The following WWC2 variants were observed in gnomAD, a reference collection of about 807,000 sequenced individuals.
The protein encoded by WWC2 is WW and C2 domain containing 2.
Under a neutral mutation model 138.5 loss-of-function variants are expected in WWC2, and 101 were observed. The observed-to-expected ratio is 0.73, with a 90% CI of 0.62 to 0.86. The LOEUF (loss-of-function observed/expected upper bound fraction) is 0.86. Among genes scored for constraint, WWC2 ranks in the 40% least tolerant of loss-of-function variants. The pLI is 0.00. For synonymous variants in WWC2, 558 were observed against 538.4 expected (o/e 1.04, Z -0.50); for missense variants, 1,420 against 1,419.4 (o/e 1.00, Z -0.01).
At chr4:183,310,832 T>TAAAAAAAAA (rs34169882) in intron 21 of WWC2, among the ~76,000 whole-genome samples, 1 of 113,444 alleles carries the variant, frequency 8.8e-6, no homozygotes, top group Non-Finnish European at 1.7e-5. Flanking sequence ...TGGCATATTG[T>TAAAAAAAAA]AAAAAAAAAA....
intron 4 of WWC2, among the ~76,000 whole-genome samples, chr4:183,210,801 T>A (rs1326742003): frequency 2.6e-5 from 4 of 152,184 alleles, no homozygotes; most frequent in Non-Finnish European, 4.4e-5. Flanking sequence ...TGTAAGTACA[T>A]TCAGTACCTA....
At chr4:183,240,053 TAAAGTA>T in intron 4 of WWC2, 124 bp from the exon 5 acceptor site, 1 of 630,422 alleles carries the variant, frequency 1.6e-6, no homozygotes, top group African/African-American at 1.9e-5. Flanking sequence ...GAGAAACTGA[TAAAGTA>T]AATGTTACTT....
intron 21 of WWC2, among the ~76,000 whole-genome samples, chr4:183,311,287 G>T (rs1739207683): frequency 6.6e-6 from 1 of 152,174 alleles, no homozygotes; most frequent in South Asian, 2.1e-4. Context: ...TTGTAGTAAA[G>T]TCATACAGTG....
At chr4:183,156,129 C>T (rs1027811574) in intron 1 of WWC2, among the ~76,000 whole-genome samples, 3 of 151,940 alleles carry the variant, frequency 2.0e-5, no homozygotes, top group East Asian at 1.9e-4. Context: ...CAGGTTCAAG[C>T]TATTCTCCTG....
At chr4:183,218,103 G>A (rs1228629605) in intron 4 of WWC2, among the ~76,000 whole-genome samples, 1 of 152,104 alleles carries the variant, frequency 6.6e-6, no homozygotes, top group Non-Finnish European at 1.5e-5. Context: ...GGTATTTTAA[G>A]AGTACCAATA....
At chr4:183,299,748 C>T (rs946975153) in intron 21 of WWC2, among the ~76,000 whole-genome samples, 2 of 152,124 alleles carry the variant, frequency 1.3e-5, no homozygotes, top group Non-Finnish European at 2.9e-5. Flanking sequence ...ACACATTGCC[C>T]TTTCATCTCC....
At chr4:183,264,528 T>C (rs1737430781) in intron 11 of WWC2, among the ~76,000 whole-genome samples, 1 of 152,168 alleles carries the variant, frequency 6.6e-6, no homozygotes, top group Non-Finnish European at 1.5e-5. Context: ...ACAGGAGATG[T>C]AGGATATGGC....
rs372266396 is a variant in WWC2 at position 183,114,858 on chromosome 4, A to G, written c.131+15236A>G. On this transcript the variant is annotated intron_variant, in intron 1 of 22. Coordinates refer to ENST00000403733, the MANE Select transcript of WWC2 (RefSeq NM_024949.6). ...TTTATTTTTGAGCCAGTCTCATTCT[A>G]TCGCCTAGGCTAGAGTGCAGTGGCA... Among the ~76,000 whole-genome samples, 156 of 152,156 alleles carry G rather than the reference A, an allele frequency of 1.0e-3. 4 individuals carry two copies. The South Asian group carries it at 0.022, about 22-fold the overall frequency.
intron 1 of WWC2, among the ~76,000 whole-genome samples, chr4:183,100,328 T>C (rs1743136254): frequency 1.3e-5 from 2 of 152,266 alleles, no homozygotes; most frequent in African/African-American, 4.8e-5. Flanking sequence ...ATTGAGGCAC[T>C]CTGATTTGAG....
chr4:183,227,127 C>CACCACCACT lies in WWC2; in HGVS notation c.523-13054_523-13053insCACCACTAC, dbSNP rs1405523949. Among the ~76,000 whole-genome samples, 5 of 151,938 alleles carry CACCACCACT rather than the reference C, an allele frequency of 3.3e-5. No individual in the cohort carries two copies. In the South Asian group the frequency reaches 6.2e-4, roughly 19 times the overall value. ...CTAGCATACCTCCCACCACCACCAC[C>CACCACCACT]ACTACTTGTTGAAGACAGCAAGAAA... On this transcript the variant is annotated intron_variant, in intron 4 of 22. Coordinates refer to ENST00000403733, the MANE Select transcript of WWC2 (RefSeq NM_024949.6).
intron 20 of WWC2, 111 bp downstream of exon 20, chr4:183,286,170 G>T: frequency 9.5e-7 from 1 of 1,053,406 alleles, no homozygotes; most frequent in Non-Finnish European, 1.4e-6. Flanking sequence ...CATGCGCTTG[G>T]CCTACTGAAT....
chr4:183,289,180 C>A (rs1306709375), intron 20 of WWC2, among the ~76,000 whole-genome samples: 1 of 152,212 alleles, frequency 6.6e-6, no homozygotes, highest in Non-Finnish European at 1.5e-5. Context: ...GAAATGTGCA[C>A]CTCTCACACT....
intron 4 of WWC2, among the ~76,000 whole-genome samples, chr4:183,211,187 T>G (rs1333997743): frequency 6.6e-6 from 1 of 152,208 alleles, no homozygotes; most frequent in African/African-American, 2.4e-5. Flanking sequence ...GTTCAAAAAC[T>G]TATATTTGAA....
chr4:183,175,499 A>G (rs1734441084), intron 1 of WWC2, among the ~76,000 whole-genome samples: 1 of 152,134 alleles, frequency 6.6e-6, no homozygotes, highest in Non-Finnish European at 1.5e-5. Flanking sequence ...CTGCGCTCAA[A>G]TGATCGGCCC....
At chr4:183,113,873 T>TA (rs1034874003) in intron 1 of WWC2, among the ~76,000 whole-genome samples, 4 of 151,982 alleles carry the variant, frequency 2.6e-5, no homozygotes, top group Admixed American at 6.6e-5. Flanking sequence ...TGCTTTTACC[T>TA]AAAAAACCTA....
chr4:183,311,942 TA>T (rs1490437672), intron 21 of WWC2, among the ~76,000 whole-genome samples: 4 of 152,126 alleles, frequency 2.6e-5, no homozygotes, highest in African/African-American at 9.7e-5. Context: ...CTAAGTTAGA[TA>T]AAAAGGGTCA....
chr4:183,278,154 A>T (rs1040066854), intron 16 of WWC2, among the ~76,000 whole-genome samples: 1 of 152,134 alleles, frequency 6.6e-6, no homozygotes, highest in East Asian at 1.9e-4. Context: ...TGATTTTTGT[A>T]TAAGGTATAA....
chr4:183,116,518 G>A (rs191152516), intron 1 of WWC2, among the ~76,000 whole-genome samples: 2 of 152,224 alleles, frequency 1.3e-5, no homozygotes, highest in Non-Finnish European at 2.9e-5. Context: ...GAACTCAAGC[G>A]TGTCTGTCTG....
chr4:183,145,163 C>T (rs1733415882), intron 1 of WWC2, among the ~76,000 whole-genome samples: 1 of 152,148 alleles, frequency 6.6e-6, no homozygotes, highest in Non-Finnish European at 1.5e-5. Flanking sequence ...GACTTTGTAG[C>T]CCTGTGGCAA....
Sources: allele counts gnomAD v4.1 joint callset (sites outside exome capture counted in the v4.1 genomes callset), GRCh38; gene constraint gnomAD v4.1.1; transcripts MANE v1.5; gene names NCBI Gene and HGNC (gene_info 2026-07-23, HGNC 2026-07-21).